ZCCHC24: variants seen among roughly 807,000 people sequenced by gnomAD.
ZCCHC24 encodes the protein zinc finger CCHC domain-containing protein 24.
A neutral mutation model predicts 26.2 loss-of-function variants in ZCCHC24; 10 were observed. The observed-to-expected ratio is 0.38, with a 90% CI of 0.24 to 0.65. The LOEUF (loss-of-function observed/expected upper bound fraction) is 0.65. Ranked by LOEUF, ZCCHC24 falls within the 30% of genes least tolerant of loss-of-function variation. The pLI, the probability that ZCCHC24 is intolerant of heterozygous loss-of-function variation, is 0.54. For missense variants in ZCCHC24, 243 were observed against 329.1 expected (o/e 0.74, Z 2.03); for synonymous variants, 144 against 147.1 (o/e 0.98, Z 0.15).
intron 1 of ZCCHC24, among the ~76,000 whole-genome samples, chr10:79,440,073 G>A (rs1314641524): frequency 6.6e-6 from 1 of 151,768 alleles, no homozygotes; most frequent in Admixed American, 6.6e-5. Flanking sequence ...GCCAGAGGAG[G>A]GCTGAATAAA....
intron 1 of ZCCHC24, among the ~76,000 whole-genome samples, chr10:79,435,471 G>A (rs1857203193): frequency 6.6e-6 from 1 of 152,170 alleles, no homozygotes; most frequent in Non-Finnish European, 1.5e-5. Flanking sequence ...ACCCTCTGGA[G>A]GGCCGCAGCC....
chr10:79,441,176 C>T lies in ZCCHC24; in HGVS notation c.246+4019G>A, dbSNP rs79325672. ...TAAGCCCACTCTCGAACATAGGCAC[C>T]TCATATTCTTGGGCAGAAATGTGGC... On this transcript the variant is annotated intron_variant, in intron 1 of 3. Transcript: ENST00000372336. Among the ~76,000 whole-genome samples, 1,258 of 152,020 alleles carry T rather than the reference C, an allele frequency of 8.3e-3. 27 individuals are homozygous for T. The highest frequency in any genetic ancestry group is 0.028 in the African/African-American group (1,176 of 41,386).
chr10:79,422,226 G>C (rs1280295797), intron 2 of ZCCHC24, among the ~76,000 whole-genome samples: 1 of 152,010 alleles, frequency 6.6e-6, no homozygotes, highest in African/African-American at 2.4e-5. Context: ...ATTCTGCCTA[G>C]CCTCAGTCCT....
In ZCCHC24 at chr10:79,433,745, G is replaced by A. The variant is rs918740281; in HGVS notation, c.247-987C>T. ...TGGGGGGCCTTGTGTCTGATGGGGA[G>A]ACAAGGATTTGTTTTGGGGAGTTCC... is the stretch of plus-strand genomic sequence containing the variant. On this transcript the variant is annotated intron_variant, in intron 1 of 3. Coordinates refer to ENST00000372336, the MANE Select transcript of ZCCHC24 (RefSeq NM_153367.4). Among the ~76,000 whole-genome samples, 7 of 152,352 alleles carry A rather than the reference G, an allele frequency of 4.6e-5. No individual in the cohort carries two copies. The South Asian group carries it at 6.2e-4, about 14-fold the overall frequency.
chr10:79,420,212 C>T (rs1243718497), intron 2 of ZCCHC24, among the ~76,000 whole-genome samples: 1 of 152,142 alleles, frequency 6.6e-6, no homozygotes, highest in Non-Finnish European at 1.5e-5. Flanking sequence ...CCCACAGCAC[C>T]CATCCTGGGC....
At chr10:79,436,307 G>A (rs1197869820) in intron 1 of ZCCHC24, among the ~76,000 whole-genome samples, 2 of 152,134 alleles carry the variant, frequency 1.3e-5, no homozygotes, top group African/African-American at 2.4e-5. Flanking sequence ...GCTCCAGATC[G>A]GGCTCTAACT....
intron 3 of ZCCHC24, among the ~76,000 whole-genome samples, chr10:79,393,196 T>A (rs768246291): frequency 5.3e-5 from 8 of 152,232 alleles, no homozygotes; most frequent in Non-Finnish European, 1.0e-4. Context: ...CCACTTACAT[T>A]TGGGCCATCT....
intron 2 of ZCCHC24, among the ~76,000 whole-genome samples, chr10:79,415,248 A>G (rs1221369221): frequency 1.3e-5 from 2 of 152,138 alleles, no homozygotes; most frequent in African/African-American, 4.8e-5. Context: ...AAGGCCTGCA[A>G]TGAAGAGGGG....
intron 1 of ZCCHC24, 26 bp downstream of exon 1, chr10:79,445,169 G>T: frequency 7.9e-7 from 1 of 1,269,046 alleles, no homozygotes; most frequent in Non-Finnish European, 1.0e-6. Flanking sequence ...GTGGGGCGGT[G>T]GGCGGGGGCG....
intron 2 of ZCCHC24, among the ~76,000 whole-genome samples, chr10:79,410,451 G>A (rs1460920143): frequency 1.3e-5 from 2 of 152,198 alleles, no homozygotes; most frequent in Non-Finnish European, 2.9e-5. Flanking sequence ...GATGTGCTCA[G>A]GATGAGCAGA....
At chr10:79,441,079 A>AACACACACACACAC (rs55762333) in intron 1 of ZCCHC24, among the ~76,000 whole-genome samples, 3,317 of 135,580 alleles carry the variant, frequency 0.024, 124 homozygotes, top group African/African-American at 0.066. Context: ...CTGCCCCCTA[A>AACACACACACACAC]ACACACACAC....
rs1192432371 is a variant in ZCCHC24 at position 79,386,327 on chromosome 10, G to A, written c.*18C>T. 2 of 1,608,710 alleles carry A rather than the reference G, an allele frequency of 1.2e-6. No individual in the cohort carries two copies. Among genetic ancestry groups the A allele is most frequent in the Non-Finnish European group, 1.7e-6 (2 of 1,177,450 alleles). On this transcript the variant is annotated 3_prime_UTR_variant, in exon 4 of 4. Transcript: ENST00000372336. ...TCGGGCTGGCGGGGGGTGGCTCTGG[G>A]TGCGGGCGGGCAGCCCGTCACTGCA... is the stretch of plus-strand genomic sequence containing the variant.
intron 2 of ZCCHC24, among the ~76,000 whole-genome samples, chr10:79,416,002 G>C (rs571952452): frequency 1.2e-3 from 177 of 152,330 alleles, no homozygotes; most frequent in South Asian, 0.01. Flanking sequence ...CAGGACTGGG[G>C]TGGAGCCTGA....
At chr10:79,430,056 G>C (rs1003259144) in intron 2 of ZCCHC24, among the ~76,000 whole-genome samples, 3 of 152,090 alleles carry the variant, frequency 2.0e-5, no homozygotes, top group African/African-American at 7.2e-5. Flanking sequence ...TTGCCAGATG[G>C]GTGCACTCTT....
At chr10:79,411,328 C>T (rs1464056670) in intron 2 of ZCCHC24, among the ~76,000 whole-genome samples, 3 of 152,144 alleles carry the variant, frequency 2.0e-5, no homozygotes, top group African/African-American at 7.2e-5. Flanking sequence ...TATAATTAAA[C>T]ACACACACAC....
chr10:79,427,641 A>G (rs889955245), intron 2 of ZCCHC24, among the ~76,000 whole-genome samples: 7 of 151,912 alleles, frequency 4.6e-5, no homozygotes, highest in African/African-American at 1.7e-4. Context: ...GCCCTGTGAT[A>G]AATGAAAATA....
intron 2 of ZCCHC24, among the ~76,000 whole-genome samples, chr10:79,401,534 C>A (rs972809521): frequency 3.9e-5 from 6 of 152,198 alleles, no homozygotes; most frequent in African/African-American, 1.4e-4. Flanking sequence ...ACACAACATG[C>A]CAGGATTGCA....
intron 1 of ZCCHC24, among the ~76,000 whole-genome samples, chr10:79,442,983 A>C (rs79943256): frequency 0.034 from 5,167 of 152,256 alleles, 255 homozygotes; most frequent in African/African-American, 0.11. Context: ...TGTGAACATC[A>C]GAGAAGCCCC....
intron 3 of ZCCHC24, among the ~76,000 whole-genome samples, chr10:79,387,527 CTTCTG>C (rs1381694480): frequency 6.6e-6 from 1 of 152,220 alleles, no homozygotes; most frequent in Admixed American, 6.5e-5. Context: ...GGGATTCTGC[CTTCTG>C]TTCAGCTGGA....
Sources: gnomAD v4.1 joint callset for allele counts (sites outside exome capture counted in the v4.1 genomes callset) on GRCh38, gnomAD v4.1.1 for gene constraint, MANE v1.5 for transcripts, NCBI Gene and HGNC (gene_info 2026-07-23, HGNC 2026-07-21) for gene names.